NRF1: variants seen among roughly 807,000 people sequenced by gnomAD.
NRF1 encodes the protein alpha palindromic-binding protein.
In NRF1, 5 loss-of-function variants were observed where a neutral mutation model predicts 58.5. The ratio of observed to expected loss-of-function variants is 0.09; its 90% confidence interval spans 0.04 to 0.18. NRF1 has a LOEUF of 0.18. Ranked by LOEUF, NRF1 falls within the 10% of genes least tolerant of loss-of-function variation. The pLI is 1.00. For missense variants in NRF1, 288 were observed against 657.7 expected, an observed-to-expected ratio of 0.44 and a Z score of 6.15; for synonymous variants, 224 against 246.7, an observed-to-expected ratio of 0.91 and a Z score of 0.86.
chr7:129,747,744 CCTA>C (rs1804014091), intron 10 of NRF1, among the ~76,000 whole-genome samples: 1 of 152,152 alleles, frequency 6.6e-6, no homozygotes, highest in Non-Finnish European at 1.5e-5. Context: ...AAATAAACAG[CCTA>C]CTTTTTCTCA....
chr7:129,755,005 T>C lies in NRF1; in HGVS notation c.1349-13T>C. 6.4e-7 allele frequency: 1 copy of C among 1,573,882 alleles called. No individual in the cohort carries two copies. The highest frequency in any genetic ancestry group is 1.9e-5 in the Admixed American group (1 of 52,512). The stretch of plus-strand genomic sequence containing the variant: ...CCTGAGCCCCACCAACGGTCTTCTC[T>C]TTGTCTCTCCAGGCCTGGTCCAGAT... On this transcript the variant is annotated splice_polypyrimidine_tract_variant and intron_variant, in intron 10 of 10. Coordinates refer to ENST00000393232, the MANE Select transcript of NRF1 (RefSeq NM_005011.5). This position sits in a 1 kb window ranked among gnomAD's most constrained non-coding sequence, Gnocchi z 5.8.
At chr7:129,616,776 C>T (rs1422675219) in intron 1 of NRF1, among the ~76,000 whole-genome samples, 1 of 151,974 alleles carries the variant, frequency 6.6e-6, no homozygotes, top group African/African-American at 2.4e-5. Context: ...GTGTAAAACT[C>T]CAACTGCTAC....
At chr7:129,656,741 A>G (rs562110034) in intron 1 of NRF1, among the ~76,000 whole-genome samples, 2 of 151,998 alleles carry the variant, frequency 1.3e-5, no homozygotes, top group South Asian at 4.2e-4. Flanking sequence ...CGCCTGGCTA[A>G]TTTTTTTGTA....
chr7:129,719,497 A>AATACACACACAC (rs1803266690), intron 9 of NRF1, among the ~76,000 whole-genome samples: 1 of 141,896 alleles, frequency 7.0e-6, no homozygotes, highest in African/African-American at 2.6e-5. Context: ...AGGAAACTGA[A>AATACACACACAC]ACACACACAC....
intron 4 of NRF1, among the ~76,000 whole-genome samples, chr7:129,681,031 G>A (rs1348878900): frequency 5.9e-5 from 9 of 152,198 alleles, no homozygotes; most frequent in Admixed American, 5.9e-4. Flanking sequence ...AATTAAAAGG[G>A]TCTTGAATGG....
intron 5 of NRF1, among the ~76,000 whole-genome samples, chr7:129,695,628 G>A (rs981088819): frequency 6.1e-4 from 90 of 148,378 alleles, no homozygotes; most frequent in African/African-American, 1.9e-3. Context: ...CTTATATACT[G>A]TAGTTTGAGG....
chr7:129,650,937 C>T (rs1801519804), intron 1 of NRF1, among the ~76,000 whole-genome samples: 1 of 152,070 alleles, frequency 6.6e-6, no homozygotes, highest in African/African-American at 2.4e-5. Flanking sequence ...ACTAAATTGA[C>T]TTGGGAGAGT....
intron 5 of NRF1, among the ~76,000 whole-genome samples, chr7:129,703,083 T>TA (rs1802870427): frequency 6.6e-6 from 1 of 152,248 alleles, no homozygotes; most frequent in Non-Finnish European, 1.5e-5. Flanking sequence ...CCTTTTATTT[T>TA]AAACCTATCT....
rs181745469 is a variant in NRF1 at position 129,677,902 on chromosome 7, C to G, written c.465+144C>G. On this transcript the variant is annotated intron_variant, in intron 4 of 10. Coordinates refer to ENST00000393232, the MANE Select transcript of NRF1 (RefSeq NM_005011.5). ...GGAGTGGGGACTAGTTTTCAGACTGCTTTATGCATATCAAAACAAAATGAT... is the reference window on the plus strand; with the variant it reads ...GGAGTGGGGACTAGTTTTCAGACTGGTTTATGCATATCAAAACAAAATGAT... 6.8e-6 allele frequency: 5 copies of G among 733,948 alleles called. No individual in the cohort carries two copies. The Admixed American group carries it at 1.5e-4, about 22-fold the overall frequency. 45.5% of individuals were successfully genotyped at this position (733,948 alleles called of 1,614,324 possible). A position where few individuals can be genotyped will look rare whatever the true frequency, so the allele number is the denominator to read the frequency against.
At chr7:129,681,445 T>C (rs1478929989) in intron 4 of NRF1, among the ~76,000 whole-genome samples, 3 of 152,246 alleles carry the variant, frequency 2.0e-5, no homozygotes, top group African/African-American at 7.2e-5. Context: ...GGCAAAAGTT[T>C]GTCAGAAAAA....
intron 2 of NRF1, among the ~76,000 whole-genome samples, chr7:129,667,246 G>A (rs1338652925): frequency 6.6e-6 from 1 of 152,142 alleles, no homozygotes; most frequent in African/African-American, 2.4e-5. Flanking sequence ...CTCACCATCG[G>A]TGTTACCAGT....
At chr7:129,706,808 G>A (rs1479014598) in intron 5 of NRF1, among the ~76,000 whole-genome samples, 1 of 152,130 alleles carries the variant, frequency 6.6e-6, no homozygotes, top group African/African-American at 2.4e-5. Context: ...AATAGGGTGA[G>A]GCGTCAGAAG....
chr7:129,682,057 G>A (rs1047937208), intron 4 of NRF1, among the ~76,000 whole-genome samples: 55 of 144,988 alleles, frequency 3.8e-4, no homozygotes, highest in African/African-American at 1.4e-3. Flanking sequence ...ACTCCAGCCT[G>A]GGTGACAGAG....
intron 3 of NRF1, among the ~76,000 whole-genome samples, chr7:129,673,671 C>G (rs1287984388): frequency 7.1e-6 from 1 of 140,708 alleles, no homozygotes; most frequent in Non-Finnish European, 1.5e-5. Flanking sequence ...GAGCGGAGAT[C>G]GCGCCACAGC....
intron 4 of NRF1, among the ~76,000 whole-genome samples, chr7:129,678,128 T>C (rs1241678220): frequency 6.6e-6 from 1 of 152,122 alleles, no homozygotes; most frequent in African/African-American, 2.4e-5. Context: ...GAGGGAAACC[T>C]GGGGGCATTT....
chr7:129,666,589 T>C (rs978679195), intron 2 of NRF1, among the ~76,000 whole-genome samples: 2 of 152,226 alleles, frequency 1.3e-5, no homozygotes, highest in Admixed American at 1.3e-4. Context: ...TGGAGTGCAG[T>C]GGCACGATCT....
At chr7:129,680,140 A>G (rs149045484) in intron 4 of NRF1, among the ~76,000 whole-genome samples, 1 of 152,346 alleles carries the variant, frequency 6.6e-6, no homozygotes, top group African/African-American at 2.4e-5. Flanking sequence ...GAAATGTCCA[A>G]CAAGCACATG....
intron 10 of NRF1, among the ~76,000 whole-genome samples, chr7:129,751,894 G>A (rs1031832627): frequency 1.3e-5 from 2 of 152,204 alleles, no homozygotes; most frequent in African/African-American, 4.8e-5. Context: ...AGGAGGAGGC[G>A]GGGGACTGAC....
chr7:129,728,159 A>C (rs534138195), intron 10 of NRF1, among the ~76,000 whole-genome samples: 21 of 152,306 alleles, frequency 1.4e-4, no homozygotes, highest in Middle Eastern at 3.4e-3. Context: ...TATATTTTTA[A>C]ATAATATATA....
Sources: gnomAD v4.1 joint callset for allele counts (sites outside exome capture counted in the v4.1 genomes callset) on GRCh38, gnomAD v4.1.1 for gene constraint, Gnocchi (gnomAD v3.1) non-coding constraint, MANE v1.5 for transcripts, NCBI Gene and HGNC (gene_info 2026-07-23, HGNC 2026-07-21) for gene names.